DIAPH2: variants seen among roughly 807,000 people sequenced by gnomAD.
The protein encoded by DIAPH2 is protein diaphanous homolog 2.
DIAPH2 carries 35 observed loss-of-function variants against 92.7 expected under a neutral mutation model. That is an observed-to-expected ratio of 0.38 (90% CI 0.29 to 0.50). The LOEUF (loss-of-function observed/expected upper bound fraction) is 0.50. Ranked by LOEUF, DIAPH2 falls within the 20% of genes least tolerant of loss-of-function variation. The pLI, the probability that DIAPH2 is intolerant of heterozygous loss-of-function variation, is 0.94. For synonymous variants in DIAPH2, 301 were observed against 280.4 expected, an observed-to-expected ratio of 1.07 and a Z score of -0.73; for missense variants, 701 against 819.5, an observed-to-expected ratio of 0.86 and a Z score of 1.77.
intron 22 of DIAPH2, among the ~76,000 whole-genome samples, chrX:97,205,145 C>T (rs180788190): frequency 5.6e-4 from 63 of 111,941 alleles, no homozygotes; most frequent in African/African-American, 2.0e-3. Flanking sequence ...AAACTGGACC[C>T]CTTCCTTACA....
intron 22 of DIAPH2, among the ~76,000 whole-genome samples, chrX:97,213,854 G>A (rs989420475): frequency 8.9e-5 from 10 of 112,048 alleles, no homozygotes; most frequent in Non-Finnish European, 1.5e-4. Context: ...GAAATCTGAA[G>A]AAGTAAATTA....
intron 4 of DIAPH2, among the ~76,000 whole-genome samples, chrX:96,796,763 T>C (rs1421848650): frequency 8.9e-6 from 1 of 112,003 alleles, no homozygotes; most frequent in East Asian, 2.8e-4. Flanking sequence ...ATTTTACTTG[T>C]ATATATGTTA....
At chrX:97,165,253 A>G (rs987733108) in intron 22 of DIAPH2, among the ~76,000 whole-genome samples, 8 of 111,515 alleles carry the variant, frequency 7.2e-5, no homozygotes, top group Non-Finnish European at 1.3e-4. Context: ...GTGTTCAGAG[A>G]TAGCTTCTCT....
chrX:97,133,715 G>A (rs915405881), intron 21 of DIAPH2, among the ~76,000 whole-genome samples: 3 of 111,931 alleles, frequency 2.7e-5, no homozygotes, highest in Admixed American at 9.5e-5. Context: ...TCTCACTCTT[G>A]GTCTTCAACC....
chrX:97,200,263 C>A (rs1209823787), intron 22 of DIAPH2, among the ~76,000 whole-genome samples: 1 of 112,356 alleles, frequency 8.9e-6, no homozygotes, highest in African/African-American at 3.2e-5. Context: ...AACTGGGCAG[C>A]TGTTTGGGCA....
chrX:97,465,004 C>G (rs531199302), intron 26 of DIAPH2, among the ~76,000 whole-genome samples: 1 of 110,775 alleles, frequency 9.0e-6, no homozygotes, highest in Admixed American at 9.6e-5. Context: ...TGCACCACCA[C>G]GCCTGGCTAA....
At chrX:96,892,305 C>T (rs1013516418) in intron 5 of DIAPH2, among the ~76,000 whole-genome samples, 1 of 111,977 alleles carries the variant, frequency 8.9e-6, no homozygotes, top group Non-Finnish European at 1.9e-5. Context: ...TCTCATAAAG[C>T]AGCATTATGT....
intron 21 of DIAPH2, among the ~76,000 whole-genome samples, chrX:97,120,056 C>T (rs141181620): frequency 0.013 from 1,479 of 111,817 alleles, 28 homozygotes; most frequent in African/African-American, 0.045. Context: ...GAGTTCTGGC[C>T]AGGAGGCTTC....
chrX:96,967,427 T>TTCATTC (rs1376681289), intron 17 of DIAPH2, among the ~76,000 whole-genome samples: 3 of 81,246 alleles, frequency 3.7e-5, no homozygotes, highest in South Asian at 7.1e-4. Flanking sequence ...TTCATTCATT[T>TTCATTC]ATTCATTTTG....
At chrX:96,725,475 G>GCT (rs2147555060) in intron 1 of DIAPH2, among the ~76,000 whole-genome samples, 1 of 111,874 alleles carries the variant, frequency 8.9e-6, no homozygotes, top group South Asian at 3.7e-4. Flanking sequence ...TTCTGTTTAA[G>GCT]CTTCTACGTT....
intron 25 of DIAPH2, among the ~76,000 whole-genome samples, chrX:97,424,428 G>A (rs1322779958): frequency 9.0e-6 from 1 of 110,995 alleles, no homozygotes; most frequent in Non-Finnish European, 1.9e-5. Flanking sequence ...ATAAACAGAC[G>A]TACAAGATAT....
At chrX:97,442,280 A>T (rs932555143) in intron 26 of DIAPH2, among the ~76,000 whole-genome samples, 2 of 112,929 alleles carry the variant, frequency 1.8e-5, no homozygotes, top group Non-Finnish European at 3.7e-5. Flanking sequence ...AAAAATTCAG[A>T]CATGCTAATG....
chrX:97,247,843 T>C lies in DIAPH2; in HGVS notation c.2844+4T>C, dbSNP rs1168841906. On this transcript the variant is annotated splice_donor_region_variant and intron_variant, in intron 23 of 26. Coordinates refer to ENST00000324765, the MANE Select transcript of DIAPH2 (RefSeq NM_006729.5). ...TAAGTTTGTGGAAAAGATGACCATA[T>C]CCTTTATTTATTTAAGCATTTTGTC... 8.3e-7 allele frequency: 1 copy of C among 1,203,197 alleles called. No individual in the cohort carries two copies. Among genetic ancestry groups the C allele is most frequent in the Non-Finnish European group, 1.1e-6 (1 of 891,312 alleles).
At chrX:96,811,557 G>A (rs772901318) in intron 4 of DIAPH2, among the ~76,000 whole-genome samples, 2 of 111,706 alleles carry the variant, frequency 1.8e-5, no homozygotes, top group South Asian at 7.6e-4. Flanking sequence ...CCAACACTAT[G>A]TTGAATAGGA....
intron 4 of DIAPH2, among the ~76,000 whole-genome samples, chrX:96,878,694 C>T (rs1169960169): frequency 9.0e-6 from 1 of 110,987 alleles, no homozygotes; most frequent in East Asian, 2.8e-4. Flanking sequence ...AGGAGTACCT[C>T]GGCCATAACC....
At chrX:97,355,622 C>T (rs756190705) in intron 24 of DIAPH2, among the ~76,000 whole-genome samples, 4 of 111,070 alleles carry the variant, frequency 3.6e-5, no homozygotes, top group South Asian at 3.9e-4. Context: ...GCTGCAAGAC[C>T]GTGATGTGCT....
chrX:97,000,281 G>A (rs759769392), intron 17 of DIAPH2, among the ~76,000 whole-genome samples: 54 of 111,890 alleles, frequency 4.8e-4, no homozygotes, highest in African/African-American at 1.7e-3. Context: ...ATCAGTGATA[G>A]GAATACATTA....
intron 25 of DIAPH2, among the ~76,000 whole-genome samples, chrX:97,397,379 T>C (rs1264353726): frequency 2.7e-5 from 3 of 111,961 alleles, no homozygotes; most frequent in Admixed American, 9.5e-5. Flanking sequence ...AAATTCTTTT[T>C]GTCAGACTAG....
At position 96,861,630 on chromosome X, in the gene DIAPH2, C is replaced by T. The variant is rs1460316613; in HGVS notation, c.448-19949C>T. On this transcript the variant is annotated intron_variant, in intron 4 of 26. Transcript: ENST00000324765. ...CAAATCTAAACATGTCACTCACCAG[C>T]TTACAAAAATCCTCAGTGATTTCAC... is the stretch of plus-strand genomic sequence containing the variant. 3.6e-5 allele frequency among the ~76,000 whole-genome samples: 4 copies of T among 111,823 alleles called. No individual in the cohort carries two copies. In the East Asian group the frequency reaches 1.1e-3, roughly 32 times the overall value.
Sources: gnomAD v4.1 joint callset for allele counts (sites outside exome capture counted in the v4.1 genomes callset) on GRCh38, gnomAD v4.1.1 for gene constraint, MANE v1.5 for transcripts, NCBI Gene and HGNC (gene_info 2026-07-23, HGNC 2026-07-21) for gene names.